The following DLGAP2 variants were observed in gnomAD, a reference collection of about 807,000 sequenced individuals.
The protein encoded by DLGAP2 is disks large-associated protein 2.
DLGAP2 carries 26 observed loss-of-function variants against 100.3 expected under a neutral mutation model. The observed-to-expected ratio is 0.26, with a 90% CI of 0.19 to 0.36. The LOEUF is 0.36. Among genes scored for constraint, DLGAP2 ranks in the 10% least tolerant of loss-of-function variants. The probability of loss-of-function intolerance (pLI) is 1.00; values close to 1 mark genes in which losing one functional copy is unlikely to be tolerated. For synonymous variants in DLGAP2, 886 were observed against 630.1 expected, an observed-to-expected ratio of 1.41 and a Z score of -6.08; for missense variants, 1,858 against 1,453.2, an observed-to-expected ratio of 1.28 and a Z score of -4.53.
chr8:1,537,286 T>C (rs1262803823), intron 4 of DLGAP2, among the ~76,000 whole-genome samples: 1 of 152,176 alleles, frequency 6.6e-6, no homozygotes, highest in African/African-American at 2.4e-5. Context: ...CATGTGTGGT[T>C]ACACATGTGC....
intron 2 of DLGAP2, among the ~76,000 whole-genome samples, chr8:1,165,205 AG>A (rs1234895295): frequency 5.0e-5 from 3 of 59,514 alleles, no homozygotes; most frequent in African/African-American, 3.2e-4. Context: ...AGGGAGGTAG[AG>A]GGGGAGATGG....
At chr8:1,297,818 G>C (rs1481086206) in intron 3 of DLGAP2, among the ~76,000 whole-genome samples, 71 of 74,970 alleles carry the variant, frequency 9.5e-4, no homozygotes, top group Admixed American at 4.1e-3. Context: ...TGGCAGGCGT[G>C]AACAGACACC....
chr8:1,185,035 T>G (rs923656798), intron 2 of DLGAP2, among the ~76,000 whole-genome samples: 1 of 151,870 alleles, frequency 6.6e-6, no homozygotes, highest in Non-Finnish European at 1.5e-5. Context: ...GGACGGGGGA[T>G]GGTGAAGTGA....
intron 6 of DLGAP2, among the ~76,000 whole-genome samples, chr8:1,591,665 G>A (rs930969046): frequency 3.9e-5 from 6 of 152,192 alleles, no homozygotes; most frequent in South Asian, 4.1e-4. Context: ...GGAAATATGC[G>A]TGTGATTGCT....
chr8:1,132,689 T>C (rs1796319466), intron 2 of DLGAP2, among the ~76,000 whole-genome samples: 1 of 152,212 alleles, frequency 6.6e-6, no homozygotes, highest in Non-Finnish European at 1.5e-5. Flanking sequence ...CAGCTGCCGC[T>C]CTAATCCTGG....
At chr8:1,564,104 A>C (rs1446772937) in intron 5 of DLGAP2, among the ~76,000 whole-genome samples, 1 of 152,076 alleles carries the variant, frequency 6.6e-6, no homozygotes, top group Non-Finnish European at 1.5e-5. Flanking sequence ...AAAGCTTTGG[A>C]GTTCTCTACA....
At chr8:1,234,887 A>G (rs562208337) in intron 2 of DLGAP2, among the ~76,000 whole-genome samples, 2 of 152,242 alleles carry the variant, frequency 1.3e-5, no homozygotes, top group South Asian at 4.2e-4. Flanking sequence ...TGTGTCTAGG[A>G]GCTCCCTCTC....
intron 6 of DLGAP2, among the ~76,000 whole-genome samples, chr8:1,582,146 C>G (rs1563235555): frequency 6.8e-6 from 1 of 146,440 alleles, no homozygotes. Context: ...AAACCCCACA[C>G]ATGTACACAC....
intron 3 of DLGAP2, among the ~76,000 whole-genome samples, chr8:1,274,695 CTTTTTTTTTTTT>C (rs145930765): frequency 7.7e-4 from 17 of 22,222 alleles, no homozygotes; most frequent in East Asian, 3.0e-3. Flanking sequence ...TTTCATTTAT[CTTTTTTTTTTTT>C]TTTTTTTTTT....
chr8:1,588,557 A>G (rs1214159058), intron 6 of DLGAP2, among the ~76,000 whole-genome samples: 1 of 152,036 alleles, frequency 6.6e-6, no homozygotes, highest in Non-Finnish European at 1.5e-5. Context: ...GACTGAATAG[A>G]TAAATAAAAT....
chr8:1,324,613 T>C (rs1800979148), intron 3 of DLGAP2, among the ~76,000 whole-genome samples: 1 of 152,200 alleles, frequency 6.6e-6, no homozygotes, highest in African/African-American at 2.4e-5. Context: ...GTTTGCAATG[T>C]AAGGACAAGT....
chr8:808,135 G>A (rs1208010240), intron 1 of DLGAP2, among the ~76,000 whole-genome samples: 2 of 152,124 alleles, frequency 1.3e-5, no homozygotes, highest in Non-Finnish European at 2.9e-5. Flanking sequence ...CAGGGTCGTC[G>A]GCACGTGGGT....
intron 1 of DLGAP2, among the ~76,000 whole-genome samples, chr8:800,455 C>T (rs1019693773): frequency 6.6e-6 from 1 of 152,194 alleles, no homozygotes; most frequent in Non-Finnish European, 1.5e-5. Flanking sequence ...AGCCCTGGCT[C>T]TCATGGCGGA....
At chr8:1,460,620 A>T (rs941072638) in intron 3 of DLGAP2, among the ~76,000 whole-genome samples, 1 of 152,180 alleles carries the variant, frequency 6.6e-6, no homozygotes, top group African/African-American at 2.4e-5. Flanking sequence ...GTAAAATTTG[A>T]TTCTTTTTTG....
At chr8:1,555,709 C>T (rs940819423) in intron 5 of DLGAP2, among the ~76,000 whole-genome samples, 6 of 152,322 alleles carry the variant, frequency 3.9e-5, no homozygotes, top group East Asian at 1.9e-4. Context: ...AGCTTGGTGC[C>T]GGGCAGGCAG....
At position 819,712 on chromosome 8, in the gene DLGAP2, A is replaced by G. The variant is rs554150931; in HGVS notation, c.18+81887A>G. On this transcript the variant is annotated intron_variant, in intron 1 of 14. Coordinates refer to ENST00000637795, the MANE Select transcript of DLGAP2 (RefSeq NM_001346810.2). The stretch of plus-strand genomic sequence containing the variant: ...TCAGAAAGAATAAGCCTCACAAAAT[A>G]TATTGGAATGAAACAGGAATGTGTA... Among the ~76,000 whole-genome samples, 12 of 152,334 alleles carry G rather than the reference A, an allele frequency of 7.9e-5. No homozygotes were observed. In the East Asian group the frequency reaches 2.1e-3, roughly 27 times the overall value.
intron 3 of DLGAP2, among the ~76,000 whole-genome samples, chr8:1,261,475 C>A (rs552111809): frequency 6.6e-6 from 1 of 150,832 alleles, no homozygotes; most frequent in South Asian, 2.1e-4. Flanking sequence ...TAAAACGAGA[C>A]AGACTGTACT....
In DLGAP2 at chr8:1,668,505, T is replaced by C. The variant is rs757139331; in HGVS notation, c.1987T>C (p.Ser663Pro). 1 of 1,592,678 alleles carries C rather than the reference T, an allele frequency of 6.3e-7. No individual in the cohort carries two copies. Among genetic ancestry groups the C allele is most frequent in the Non-Finnish European group, 8.5e-7 (1 of 1,170,916 alleles). ...WPQDSRGLYN[S>P]TDSLDSNKAM... is the part of the protein sequence containing the mutation. ...CCAGGACAGCCGCGGCCTCTACAAC[T>C]CCACGGACAGCCTGGACAGCAACAA... Residue 663 changes from serine to proline, a missense_variant, in exon 9 of 15, where the codon TCC becomes CCC. Physicochemically the swap from Ser to Pro is moderately conservative, Grantham distance 74 (BLOSUM62 -1). Transcript: ENST00000637795.
In DLGAP2 at chr8:1,505,695, C is replaced by A. The variant is rs548851008; in HGVS notation, c.172+4264C>A. ...AAACGAATACCTTGAAAGAGAAAAA[C>A]CTCACTTTTTCCAGAAGAAATGTTT... is the stretch of plus-strand genomic sequence containing the variant. On this transcript the variant is annotated intron_variant, in intron 4 of 14. Transcript: ENST00000637795. Among the ~76,000 whole-genome samples the A allele has an allele frequency of 6.6e-5, 10 of 152,222 alleles. No individual in the cohort carries two copies. In the South Asian group the frequency reaches 2.1e-3, roughly 32 times the overall value.
Sources: allele counts gnomAD v4.1 joint callset (sites outside exome capture counted in the v4.1 genomes callset), GRCh38; gene constraint gnomAD v4.1.1; transcripts MANE v1.5; gene names NCBI Gene and HGNC (gene_info 2026-07-23, HGNC 2026-07-21).